Variants in DHRS12 observed in about 807,000 individuals in gnomAD.
DHRS12 encodes the protein dehydrogenase/reductase 12.
A neutral mutation model predicts 32.1 loss-of-function variants in DHRS12; 29 were observed. The ratio of observed to expected loss-of-function variants is 0.90; its 90% CI spans 0.67 to 1.23. DHRS12 has a LOEUF of 1.23. Ranked by LOEUF, DHRS12 falls within the 50% of genes most tolerant of loss-of-function variation. The probability of loss-of-function intolerance (pLI) is 0.00; values close to 1 mark genes in which losing one functional copy is unlikely to be tolerated. For synonymous variants in DHRS12, 150 were observed against 135.9 expected, an observed-to-expected ratio of 1.10 and a Z score of -0.72; for missense variants, 330 against 337.2, an observed-to-expected ratio of 0.98 and a Z score of 0.17.
At chr13:51,770,680 C>T in intron 7 of DHRS12, 2 of 891,222 alleles carry the variant, frequency 2.2e-6, no homozygotes, top group Non-Finnish European at 2.7e-6. Context: ...TCTGCCAAAT[C>T]TCCAAGCTGG....
intron 2 of DHRS12, 28 bp from the exon 3 acceptor site, chr13:51,791,285 A>ACC (rs71085098): frequency 8.6e-7 from 1 of 1,168,926 alleles, no homozygotes; most frequent in African/African-American, 1.6e-5. Flanking sequence ...AAAAAAAAAA[A>ACC]CCCTTTTTAA....
At chr13:51,785,233 A>C (rs933858615) in intron 4 of DHRS12, among the ~76,000 whole-genome samples, 1 of 152,210 alleles carries the variant, frequency 6.6e-6, no homozygotes, top group African/African-American at 2.4e-5. Context: ...GTCTCAAAAA[A>C]AACCAGAATG....
intron 5 of DHRS12, 102 bp downstream of exon 5, chr13:51,776,958 G>C: frequency 7.5e-7 from 1 of 1,328,094 alleles, no homozygotes; most frequent in Non-Finnish European, 1.1e-6. Flanking sequence ...GATGTGGACA[G>C]AATGGCCCCC....
the DHRS12 span, chr13:51,755,472 G>A: frequency 6.2e-7 from 1 of 1,608,562 alleles, no homozygotes; most frequent in Admixed American, 1.7e-5. Context: ...GAGTGATATG[G>A]ATGCTTCATC....
chr13:51,767,858 AG>A (rs1555269069), downstream of DHRS12: 2 of 321,702 alleles, frequency 6.2e-6, no homozygotes, highest in Non-Finnish European at 9.0e-6. Context: ...TGGAGTTCAC[AG>A]GGGGGCATTC....
rs1482808057 is a variant in DHRS12 at position 51,790,023 on chromosome 13, C to T, written c.289G>A (p.Ala97Thr). 5.6e-6 allele frequency: 9 copies of T among 1,604,018 alleles called. No homozygotes were observed. Among genetic ancestry groups the T allele is most frequent in the African/African-American group, 2.7e-5 (2 of 74,076 alleles). ...TTCTTGTACTTACCCAGAGTATTGG[C>T]AGCAAAGTTTTTTTCAAGTCCATCT... ...TEDGLEKNFA[A>T]NTLGVYILTT... Residue 97 changes from alanine (A) to threonine (T), a missense_variant, in exon 4 of 9, where the codon GCC (alanine) becomes ACC (threonine). Physicochemically the swap from Ala to Thr is moderately conservative, Grantham distance 58. Coordinates refer to ENST00000444610, the MANE Select transcript of DHRS12 (RefSeq NM_001377533.1).
chr13:51,787,978 C>T (rs1398220407), intron 4 of DHRS12, among the ~76,000 whole-genome samples: 1 of 144,518 alleles, frequency 6.9e-6, no homozygotes, highest in Non-Finnish European at 1.5e-5. Context: ...AACTCTCACT[C>T]GTGGCCCGGC....
At chr13:51,790,506 T>C (rs1052839273) in intron 3 of DHRS12, among the ~76,000 whole-genome samples, 11 of 152,320 alleles carry the variant, frequency 7.2e-5, no homozygotes, top group South Asian at 2.1e-4. Context: ...GTAATCAATA[T>C]AGAATATTAA....
chr13:51,768,134 A>T lies in DHRS12; in HGVS notation c.*53T>A. The stretch of plus-strand genomic sequence containing the variant: ...TCTTATTCACTGGTCCCTAGACCGC[A>T]CCTTCTGGTATCTTCTAAGGCAATT... On this transcript the variant is annotated 3_prime_UTR_variant, in exon 9 of 9. Coordinates refer to ENST00000444610, the MANE Select transcript of DHRS12 (RefSeq NM_001377533.1). 6.5e-7 allele frequency: 1 copy of T among 1,535,164 alleles called. No individual in the cohort carries two copies.
chr13:51,770,202 G>A (rs2138888152), intron 7 of DHRS12, among the ~76,000 whole-genome samples: 1 of 152,248 alleles, frequency 6.6e-6, no homozygotes, highest in African/African-American at 2.4e-5. Flanking sequence ...AGAAAAATCA[G>A]GATAAACTGA....
intron 6 of DHRS12, 23 bp from the exon 7 acceptor site, chr13:51,771,934 G>C (rs778610796): frequency 6.2e-7 from 1 of 1,612,458 alleles, no homozygotes; most frequent in South Asian, 1.1e-5. Context: ...GAGCGAGGGG[G>C]TGAACAGGAG....
chr13:51,767,779 GGC>G (rs1294152829), downstream of DHRS12: 99 of 42,430 alleles, frequency 2.3e-3, 13 homozygotes, highest in South Asian at 0.039. Context: ...CCTCTCCTGG[GGC>G]GGGGGGGGGG....
At chr13:51,768,994 A>C in intron 8 of DHRS12, 162 bp downstream of exon 8, 3 of 1,423,436 alleles carry the variant, frequency 2.1e-6, no homozygotes, top group Non-Finnish European at 2.8e-6. Flanking sequence ...GCTTCCCAAA[A>C]CTAACCTCAG....
At chr13:51,798,485 A>G (rs1337684537) in intron 2 of DHRS12, among the ~76,000 whole-genome samples, 1 of 152,184 alleles carries the variant, frequency 6.6e-6, no homozygotes, top group Non-Finnish European at 1.5e-5. Flanking sequence ...GGCAGCTAAG[A>G]ACGAATCGTT....
At chr13:51,758,254 C>G in the DHRS12 span, 2 of 1,602,880 alleles carry the variant, frequency 1.2e-6, no homozygotes, top group African/African-American at 1.3e-5. Flanking sequence ...CATTTCGATG[C>G]AACCAGAGGA....
intron 4 of DHRS12, among the ~76,000 whole-genome samples, chr13:51,783,349 G>A (rs1954808541): frequency 6.6e-6 from 1 of 152,098 alleles, no homozygotes; most frequent in African/African-American, 2.4e-5. Flanking sequence ...ACTTGTTACT[G>A]AGGACGAGCA....
intron 2 of DHRS12, among the ~76,000 whole-genome samples, chr13:51,794,789 G>T (rs1338088370): frequency 7.2e-5 from 5 of 69,570 alleles, no homozygotes; most frequent in African/African-American, 1.7e-4. Flanking sequence ...ACATAAAATA[G>T]AAGTTTTTTT....
chr13:51,756,188 G>T, the DHRS12 span: 1 of 1,217,922 alleles, frequency 8.2e-7, no homozygotes, highest in South Asian at 1.5e-5. Flanking sequence ...CATCCAATGT[G>T]TTCCCTTTAG....
intron 6 of DHRS12, among the ~76,000 whole-genome samples, chr13:51,772,385 T>A (rs1046555835): frequency 6.6e-6 from 1 of 151,982 alleles, no homozygotes; most frequent in Non-Finnish European, 1.5e-5. Context: ...TCCCAACACT[T>A]TGGGAGGCGG....
Sources: gnomAD v4.1 joint callset for allele counts (sites outside exome capture counted in the v4.1 genomes callset) on GRCh38, gnomAD v4.1.1 for gene constraint, MANE v1.5 for transcripts, NCBI Gene and HGNC (gene_info 2026-07-23, HGNC 2026-07-21) for gene names.